The following OR2L13 variants were observed in gnomAD, a reference collection of about 807,000 sequenced individuals.
The protein encoded by OR2L13 is olfactory receptor family 2 subfamily L member 13.
In OR2L13, 14 loss-of-function variants were observed where a neutral mutation model predicts 15.3. The ratio of observed to expected loss-of-function variants is 0.91; its 90% CI spans 0.60 to 1.43. The LOEUF (loss-of-function observed/expected upper bound fraction) is 1.43. Among genes scored for constraint, OR2L13 ranks in the 40% most tolerant of loss-of-function variants. The pLI is 0.00. For synonymous variants in OR2L13, 152 were observed against 142.9 expected, an observed-to-expected ratio of 1.06 and a Z score of -0.45; for missense variants, 367 against 387.9, an observed-to-expected ratio of 0.95 and a Z score of 0.45.
At chr1:248,018,073 T>G in the OR2L13 span, among the ~76,000 whole-genome samples, 4,403 of 151,208 alleles carry the variant, frequency 0.029, 195 homozygotes, top group African/African-American at 0.1. Flanking sequence ...GAGAATGGCG[T>G]GAACCCGGGA....
At chr1:248,090,300 T>C (rs1172565002), upstream of OR2L13, among the ~76,000 whole-genome samples, 1 of 148,346 alleles carries the variant, frequency 6.7e-6, no homozygotes, top group Non-Finnish European at 1.5e-5. Context: ...TTTAGTATGT[T>C]TTTTAATTTC....
At chr1:248,060,666 A>G in the OR2L13 span, 1 of 1,593,798 alleles carries the variant, frequency 6.3e-7, no homozygotes, top group Admixed American at 1.7e-5. Flanking sequence ...TTCAGGAAAG[A>G]GCACACGAAT....
At chr1:248,091,593 G>A (rs371883775), upstream of OR2L13, among the ~76,000 whole-genome samples, 18 of 151,890 alleles carry the variant, frequency 1.2e-4, no homozygotes, top group East Asian at 1.4e-3. Context: ...GATGGCTCTC[G>A]GTGTACGGCA....
the OR2L13 span, chr1:248,051,384 A>G: frequency 6.6e-6 from 1 of 152,106 alleles, no homozygotes; most frequent in African/African-American, 2.4e-5. Context: ...ATTTATATTG[A>G]TTTCTTTGTT....
the OR2L13 span, among the ~76,000 whole-genome samples, chr1:248,052,936 T>C: frequency 2.0e-5 from 3 of 152,258 alleles, no homozygotes; most frequent in East Asian, 5.8e-4. Context: ...TTATTTTTAT[T>C]TTTAATAATT....
chr1:248,056,247 G>A, the OR2L13 span, among the ~76,000 whole-genome samples: 1 of 151,964 alleles, frequency 6.6e-6, no homozygotes, highest in Admixed American at 6.6e-5. Context: ...ATGTATACAT[G>A]TGCCATGTTG....
At chr1:247,950,257 T>TGAA in the OR2L13 span, among the ~76,000 whole-genome samples, 2 of 152,218 alleles carry the variant, frequency 1.3e-5, no homozygotes, top group African/African-American at 2.4e-5. Context: ...ACGTACCAGT[T>TGAA]ACTCTTTCTT....
the OR2L13 span, among the ~76,000 whole-genome samples, chr1:248,017,092 T>C: frequency 6.6e-6 from 1 of 152,196 alleles, no homozygotes; most frequent in Non-Finnish European, 1.5e-5. Flanking sequence ...TCGGAATCTT[T>C]TCTCCTTGCT....
the OR2L13 span, chr1:248,060,553 G>A: frequency 4.2e-6 from 3 of 713,740 alleles, no homozygotes; most frequent in Non-Finnish European, 4.9e-6. Flanking sequence ...GTGTATATAG[G>A]GCTCAGTGTC....
upstream of OR2L13, among the ~76,000 whole-genome samples, chr1:248,091,715 C>T (rs375553438): frequency 4.0e-5 from 6 of 151,782 alleles, no homozygotes; most frequent in South Asian, 2.1e-4. Flanking sequence ...TCAAGTAATG[C>T]GATGTCTCCA....
the OR2L13 span, among the ~76,000 whole-genome samples, chr1:247,980,128 AT>A: frequency 6.6e-6 from 1 of 152,144 alleles, no homozygotes; most frequent in African/African-American, 2.4e-5. Flanking sequence ...ATTTGAGTAC[AT>A]TTAAGATACT....
At chr1:248,099,720 C>T in exon 3 of OR2L13, 1 of 1,614,126 alleles carries the variant, frequency 6.2e-7, no homozygotes, top group Non-Finnish European at 8.5e-7. Flanking sequence ...TACTCCTGAC[C>T]TCCATGGCCT....
chr1:248,055,031 A>T, the OR2L13 span, among the ~76,000 whole-genome samples: 1 of 152,220 alleles, frequency 6.6e-6, no homozygotes, highest in Non-Finnish European at 1.5e-5. Flanking sequence ...TTCAAAGGGA[A>T]TGCTTCCAGT....
chr1:247,982,085 G>A, the OR2L13 span, among the ~76,000 whole-genome samples: 1 of 152,172 alleles, frequency 6.6e-6, no homozygotes, highest in African/African-American at 2.4e-5. Context: ...AAAGTGCTGG[G>A]ATTACAAGCG....
At chr1:248,058,188 A>G in the OR2L13 span, among the ~76,000 whole-genome samples, 1 of 152,226 alleles carries the variant, frequency 6.6e-6, no homozygotes, top group Non-Finnish European at 1.5e-5. Flanking sequence ...ACAGGGTAAA[A>G]TGTTAGAAAC....
At chr1:247,951,069 A>C in the OR2L13 span, among the ~76,000 whole-genome samples, 8 of 46,308 alleles carry the variant, frequency 1.7e-4, no homozygotes, top group Admixed American at 2.3e-3. Context: ...ATAGTGATTA[A>C]AAATAAAAAA....
chr1:247,995,665 C>A, the OR2L13 span, among the ~76,000 whole-genome samples: 1 of 152,152 alleles, frequency 6.6e-6, no homozygotes. Context: ...AGAAACCTAT[C>A]CACATCTCAG....
the OR2L13 span, chr1:248,083,547 T>G: frequency 1.1e-6 from 1 of 949,230 alleles, no homozygotes; most frequent in South Asian, 1.6e-5. Context: ...AAACTTAATT[T>G]TCTGTTCATG....
upstream of OR2L13, among the ~76,000 whole-genome samples, chr1:248,090,804 T>C (rs1032011844): frequency 3.3e-5 from 5 of 152,186 alleles, no homozygotes; most frequent in Admixed American, 3.3e-4. Flanking sequence ...ATGCAAGTAA[T>C]ATTGAGATGG....
Sources: gnomAD v4.1 joint callset for allele counts (sites outside exome capture counted in the v4.1 genomes callset) on GRCh38, gnomAD v4.1.1 for gene constraint, MANE v1.5 for transcripts, NCBI Gene and HGNC (gene_info 2026-07-23, HGNC 2026-07-21) for gene names.